The following ARB2A variants were observed in gnomAD, a reference collection of about 807,000 sequenced individuals.
ARB2A encodes ARB2 cotranscriptional regulator A, also known as cotranscriptional regulator ARB2A.
the ARB2A span, among the ~76,000 whole-genome samples, chr5:94,061,746 T>A: frequency 6.6e-6 from 1 of 152,178 alleles, no homozygotes; most frequent in East Asian, 1.9e-4. Context: ...ATAACAGGTA[T>A]AGGATTTACA....
the ARB2A span, among the ~76,000 whole-genome samples, chr5:93,770,919 C>T: frequency 6.6e-6 from 1 of 152,080 alleles, no homozygotes; most frequent in Non-Finnish European, 1.5e-5. Flanking sequence ...CATCAAGCTA[C>T]CAATGACTTT....
chr5:93,773,877 C>T, the ARB2A span, among the ~76,000 whole-genome samples: 2 of 152,206 alleles, frequency 1.3e-5, no homozygotes, highest in Non-Finnish European at 2.9e-5. Context: ...ACGTGATCCT[C>T]TTGCCTCAGC....
the ARB2A span, among the ~76,000 whole-genome samples, chr5:93,789,911 AAAATGTGAAGACC>A: frequency 6.6e-6 from 1 of 152,250 alleles, no homozygotes; most frequent in African/African-American, 2.4e-5. Flanking sequence ...TTCAGTAGAT[AAAATGTGAAGACC>A]AAACTGCCCA....
chr5:93,946,201 A>G, the ARB2A span, among the ~76,000 whole-genome samples: 3 of 152,080 alleles, frequency 2.0e-5, no homozygotes, highest in African/African-American at 7.2e-5. Context: ...GTATCTAACA[A>G]TACAGGAAGA....
At chr5:93,777,373 A>G in the ARB2A span, among the ~76,000 whole-genome samples, 2 of 152,200 alleles carry the variant, frequency 1.3e-5, no homozygotes, top group Admixed American at 1.3e-4. Context: ...AAAGCCTCCA[A>G]TATTAAAAAA....
chr5:94,111,148 CT>C, the ARB2A span, among the ~76,000 whole-genome samples: 1 of 152,138 alleles, frequency 6.6e-6, no homozygotes, highest in African/African-American at 2.4e-5. Context: ...GTTAATAATA[CT>C]TTTTGTAGAA....
chr5:93,857,963 A>G, the ARB2A span, among the ~76,000 whole-genome samples: 1 of 152,190 alleles, frequency 6.6e-6, no homozygotes, highest in African/African-American at 2.4e-5. Flanking sequence ...ATAAATCTTT[A>G]AAGTGACTTC....
chr5:93,901,971 T>C, the ARB2A span, among the ~76,000 whole-genome samples: 49 of 152,196 alleles, frequency 3.2e-4, 1 homozygote, highest in South Asian at 9.7e-3. Context: ...TTTTAACTCC[T>C]AATATATGTG....
At chr5:93,720,543 C>T in the ARB2A span, among the ~76,000 whole-genome samples, 2 of 152,188 alleles carry the variant, frequency 1.3e-5, no homozygotes, top group Non-Finnish European at 2.9e-5. Context: ...TTACCACCAA[C>T]TGTGCCAAAT....
the ARB2A span, among the ~76,000 whole-genome samples, chr5:93,909,085 G>C: frequency 1.3e-5 from 2 of 150,864 alleles, no homozygotes; most frequent in Non-Finnish European, 3.0e-5. Flanking sequence ...TTGTGAATAA[G>C]AAGTATACCT....
the ARB2A span, among the ~76,000 whole-genome samples, chr5:93,729,852 C>G: frequency 6.7e-6 from 1 of 149,558 alleles, no homozygotes; most frequent in East Asian, 2.0e-4. Context: ...TCGTTGTTGT[C>G]CTCATTAAAA....
the ARB2A span, among the ~76,000 whole-genome samples, chr5:94,095,750 G>A: frequency 4.2e-4 from 64 of 151,910 alleles, no homozygotes; most frequent in African/African-American, 1.4e-3. Context: ...TCTTACCTTC[G>A]TAGTAGACAC....
At chr5:94,055,962 AC>A in the ARB2A span, 1 of 897,726 alleles carries the variant, frequency 1.1e-6, no homozygotes, top group Non-Finnish European at 1.3e-6. Flanking sequence ...ACTTTCATAT[AC>A]ATTACTTCAT....
At chr5:93,645,860 T>C in the ARB2A span, among the ~76,000 whole-genome samples, 1 of 152,188 alleles carries the variant, frequency 6.6e-6, no homozygotes, top group Non-Finnish European at 1.5e-5. Context: ...AGAAGAAATA[T>C]GTAACTAATT....
the ARB2A span, among the ~76,000 whole-genome samples, chr5:93,714,578 C>T: frequency 6.6e-6 from 1 of 152,028 alleles, no homozygotes; most frequent in Non-Finnish European, 1.5e-5. Flanking sequence ...TAGTTTGAAC[C>T]TTCTCCTTCC....
At chr5:94,074,813 A>G in the ARB2A span, 7 of 1,345,394 alleles carry the variant, frequency 5.2e-6, no homozygotes, top group South Asian at 2.5e-5. Flanking sequence ...CTCAAAACCT[A>G]TCTATTCCAC....
chr5:93,919,452 G>C, the ARB2A span, among the ~76,000 whole-genome samples: 11 of 152,096 alleles, frequency 7.2e-5, no homozygotes, highest in Non-Finnish European at 1.6e-4. Flanking sequence ...ATTGTATAAA[G>C]TGGTAATATA....
the ARB2A span, among the ~76,000 whole-genome samples, chr5:93,710,650 C>T: frequency 6.6e-6 from 1 of 152,156 alleles, no homozygotes; most frequent in East Asian, 1.9e-4. Flanking sequence ...GATGAGCCCA[C>T]TCCCTACAGT....
the ARB2A span, among the ~76,000 whole-genome samples, chr5:93,985,956 G>A: frequency 7.6e-3 from 1,152 of 151,056 alleles, 23 homozygotes; most frequent in Non-Finnish European, 6.0e-3. Context: ...CTTCCCGGCC[G>A]TCATCCCATC....
Sources: gnomAD v4.1 joint callset for allele counts (sites outside exome capture counted in the v4.1 genomes callset) on GRCh38, gnomAD v4.1.1 for gene constraint, MANE v1.5 for transcripts, NCBI Gene and HGNC (gene_info 2026-07-23, HGNC 2026-07-21) for gene names.